Variants in CNTNAP2 observed in about 807,000 individuals in gnomAD.
CNTNAP2 encodes contactin-associated protein-like 2.
CNTNAP2 carries 98 observed loss-of-function variants against 155.2 expected under a neutral mutation model. The observed-to-expected ratio is 0.63, with a 90% CI of 0.54 to 0.75. CNTNAP2 has a LOEUF of 0.75. CNTNAP2 is among the 30% of genes least tolerant of loss of function. The pLI is 0.00. For missense variants in CNTNAP2, 1,727 were observed against 1,688.1 expected (o/e 1.02, Z -0.40); for synonymous variants, 651 against 631.2 (o/e 1.03, Z -0.47).
intron 1 of CNTNAP2, among the ~76,000 whole-genome samples, chr7:146,410,843 T>C (rs1487123484): frequency 6.6e-6 from 1 of 152,194 alleles, no homozygotes; most frequent in Admixed American, 6.5e-5. Flanking sequence ...TCCGATTCCA[T>C]AGATAAGTGA....
At chr7:146,869,519 G>A (rs1052398895) in intron 3 of CNTNAP2, among the ~76,000 whole-genome samples, 4 of 152,078 alleles carry the variant, frequency 2.6e-5, no homozygotes, top group Non-Finnish European at 4.4e-5. Context: ...TGATCACAAG[G>A]TGAAGTCCCA....
chr7:146,843,596 C>CAAAAAAAA, intron 3 of CNTNAP2, among the ~76,000 whole-genome samples: 1 of 126,562 alleles, frequency 7.9e-6, no homozygotes, highest in Non-Finnish European at 1.6e-5. Context: ...CTTACTAATA[C>CAAAAAAAA]AAAAAAAAAA....
At chr7:147,064,511 T>C (rs905783418) in intron 4 of CNTNAP2, among the ~76,000 whole-genome samples, 22 of 152,112 alleles carry the variant, frequency 1.4e-4, no homozygotes, top group Non-Finnish European at 2.9e-4. Context: ...ATTTGACATT[T>C]TCCCTGTGCC....
At chr7:148,115,860 C>T (rs1304582634) in intron 15 of CNTNAP2, among the ~76,000 whole-genome samples, 1 of 152,056 alleles carries the variant, frequency 6.6e-6, no homozygotes, top group Non-Finnish European at 1.5e-5. Flanking sequence ...AAATAGCAGC[C>T]GAGCATGGTG....
rs141420086 is a variant in CNTNAP2, at chr7:147,702,296, T to G, written c.2098+62990T>G. ...CATCAATATTCTTATAAAAAGTGTT[T>G]ATATCTAGTTCTAGCAATGAAAGTC... On this transcript the variant is annotated intron_variant, in intron 13 of 23. Coordinates refer to ENST00000361727, the MANE Select transcript of CNTNAP2 (RefSeq NM_014141.6). 1.2e-3 allele frequency among the ~76,000 whole-genome samples: 189 copies of G among 152,148 alleles called. 1 individual carries two copies. The East Asian group carries it at 0.034, about 27-fold the overall frequency.
At chr7:146,712,974 T>A (rs1563199669) in intron 1 of CNTNAP2, among the ~76,000 whole-genome samples, 1 of 151,906 alleles carries the variant, frequency 6.6e-6, no homozygotes, top group African/African-American at 2.4e-5. Context: ...CCTGTACCCC[T>A]CCCTTAAAAT....
At position 146,633,832 on chromosome 7, in the gene CNTNAP2, G is replaced by GAAAAAAAAAAAAAA. The variant is rs60993956; in HGVS notation, c.98-140428_98-140415dup. On this transcript the variant is annotated intron_variant, in intron 1 of 23. Coordinates refer to ENST00000361727, the MANE Select transcript of CNTNAP2 (RefSeq NM_014141.6). ...GCAACAGAGCGAGACTGCATCTAGA[G>GAAAAAAAAAAAAAA]AAAAAAAAAAAAAAAAAAAAAAAAC... Among the ~76,000 whole-genome samples the GAAAAAAAAAAAAAA allele has an allele frequency of 1.4e-3, 112 of 79,026 alleles. 5 individuals carry two copies. The highest frequency in any genetic ancestry group is 4.0e-3 in the African/African-American group (66 of 16,626). The allele number at this position is 79,026 out of a possible 152,430, so 51.8% of individuals were successfully genotyped here. A position where few individuals can be genotyped will look rare whatever the true frequency, so the allele number is the denominator to read the frequency against.
intron 7 of CNTNAP2, among the ~76,000 whole-genome samples, chr7:147,131,931 C>T (rs1801382225): frequency 6.6e-6 from 1 of 152,000 alleles, no homozygotes; most frequent in Admixed American, 6.6e-5. Flanking sequence ...TCCACAGTCA[C>T]ACCCACAACA....
Position 146,440,749 on chromosome 7 carries a change from G to A in CNTNAP2, c.97+323776G>A, listed in dbSNP as rs145330790. On this transcript the variant is annotated intron_variant, in intron 1 of 23. Coordinates refer to ENST00000361727, the MANE Select transcript of CNTNAP2 (RefSeq NM_014141.6). ...TCCCAAATCTTTTATACCACAACCC[G>A]GAAGTACCCATGCCTCACTTGTGGT... Among the ~76,000 whole-genome samples, 291 of 151,548 alleles carry A rather than the reference G, an allele frequency of 1.9e-3. 13 individuals are homozygous for A. Among genetic ancestry groups the A allele is most frequent in the African/African-American group, 6.3e-3 (257 of 40,920 alleles).
chr7:146,655,341 G>T (rs116585634), intron 1 of CNTNAP2, among the ~76,000 whole-genome samples: 1 of 146,342 alleles, frequency 6.8e-6, no homozygotes, highest in Non-Finnish European at 1.5e-5. Context: ...TTGAACTCGG[G>T]AGACAGAGGT....
intron 1 of CNTNAP2, among the ~76,000 whole-genome samples, chr7:146,487,900 G>A (rs139733769): frequency 3.4e-4 from 52 of 152,170 alleles, no homozygotes; most frequent in Middle Eastern, 3.4e-3. Context: ...GACAGAGAGA[G>A]ACCCAAACCG....
chr7:148,211,609 C>A (rs988642467), intron 18 of CNTNAP2, among the ~76,000 whole-genome samples: 4 of 152,190 alleles, frequency 2.6e-5, no homozygotes, highest in Admixed American at 1.3e-4. Flanking sequence ...TTCCCTCCCC[C>A]TCAAGCCAGT....
At chr7:147,414,299 CTG>C (rs1169258296) in intron 10 of CNTNAP2, among the ~76,000 whole-genome samples, 1 of 151,910 alleles carries the variant, frequency 6.6e-6, no homozygotes, top group African/African-American at 2.4e-5. Context: ...TGGCAGGTGA[CTG>C]TGATCCCAGC....
rs532837902 is a variant in CNTNAP2 at position 147,886,475 on chromosome 7, C to CAA, written c.2099-17063_2099-17062dup. ...GGGCAACAAGAGGGAAACTCCATCT[C>CAA]AAAAAAAAAAAAAAAAAAAAAAAAA... On this transcript the variant is annotated intron_variant, in intron 13 of 23. Coordinates refer to ENST00000361727, the MANE Select transcript of CNTNAP2 (RefSeq NM_014141.6). Among the ~76,000 whole-genome samples, 303 of 39,682 alleles carry CAA rather than the reference C, an allele frequency of 7.6e-3. 15 individuals carry two copies. Among genetic ancestry groups the CAA allele is most frequent in the East Asian group, 0.013 (9 of 714 alleles). The allele number at this position is 39,682 out of a possible 152,430, so 26.0% of individuals were successfully genotyped here.
chr7:147,800,999 G>A (rs978717765), intron 13 of CNTNAP2, among the ~76,000 whole-genome samples: 6 of 152,124 alleles, frequency 3.9e-5, no homozygotes, highest in African/African-American at 1.4e-4. Flanking sequence ...CTCTATGATG[G>A]TCATACAATG....
At chr7:147,060,020 A>T (rs1206972038) in intron 4 of CNTNAP2, among the ~76,000 whole-genome samples, 2 of 152,332 alleles carry the variant, frequency 1.3e-5, no homozygotes, top group South Asian at 2.1e-4. Flanking sequence ...CGATACTGCT[A>T]CAACTATCTT....
At chr7:148,210,420 T>C (rs1296423816) in intron 18 of CNTNAP2, among the ~76,000 whole-genome samples, 4 of 152,210 alleles carry the variant, frequency 2.6e-5, no homozygotes, top group Non-Finnish European at 4.4e-5. Context: ...AATTCTATAA[T>C]AGATGCAAAC....
chr7:147,229,977 A>G (rs764766300), intron 8 of CNTNAP2, among the ~76,000 whole-genome samples: 1 of 152,198 alleles, frequency 6.6e-6, no homozygotes, highest in Admixed American at 6.5e-5. Context: ...CTTACTATAC[A>G]TCAAACTACG....
At chr7:148,185,699 G>C (rs1344741857) in intron 18 of CNTNAP2, among the ~76,000 whole-genome samples, 2 of 152,194 alleles carry the variant, frequency 1.3e-5, no homozygotes, top group Non-Finnish European at 2.9e-5. Flanking sequence ...TACTATTGAA[G>C]TAATTTGATT....
Sources: allele counts gnomAD v4.1 joint callset (sites outside exome capture counted in the v4.1 genomes callset), GRCh38; gene constraint gnomAD v4.1.1; transcripts MANE v1.5; gene names NCBI Gene and HGNC (gene_info 2026-07-23, HGNC 2026-07-21).